Variants in CRACR2A observed in about 807,000 individuals in gnomAD.
The protein encoded by CRACR2A is EF-hand calcium-binding domain-containing protein 4B.
Under a neutral mutation model 90.5 loss-of-function variants are expected in CRACR2A, and 79 were observed. The ratio of observed to expected loss-of-function variants is 0.87; its 90% CI spans 0.73 to 1.05. The LOEUF is 1.05. Ranked by LOEUF, CRACR2A falls within the 50% of genes least tolerant of loss-of-function variation. CRACR2A has a pLI of 0.00. For missense variants in CRACR2A, 823 were observed against 897.2 expected (o/e 0.92, Z 1.06); for synonymous variants, 338 against 356.7 (o/e 0.95, Z 0.59).
chr12:3,725,224 A>G (rs1946242334), intron 2 of CRACR2A, among the ~76,000 whole-genome samples: 1 of 152,234 alleles, frequency 6.6e-6, no homozygotes, highest in Non-Finnish European at 1.5e-5. Flanking sequence ...CCAATGAATT[A>G]TCAAAAACCA....
In CRACR2A at chr12:3,720,416, GAAGAAAGAAAGAAAGA is replaced by G. The variant is rs554793478; in HGVS notation, c.-117-7115_-117-7100del. On this transcript the variant is annotated intron_variant, in intron 2 of 19. Transcript: ENST00000440314. The stretch of plus-strand genomic sequence containing the variant: ...GGGGGAGGGACGGAGTGAGAGAGAG[GAAGAAAGAAAGAAAGA>G]AAGAAAGAAAGAAAGAAAGAAAGAA... Among the ~76,000 whole-genome samples the G allele has an allele frequency of 1.5e-3, 160 of 106,708 alleles. 3 individuals carry two copies. The highest frequency in any genetic ancestry group is 5.1e-3 in the South Asian group (15 of 2,940). 70.0% of individuals were successfully genotyped at this position (106,708 alleles called of 152,430 possible).
Position 3,690,786 on chromosome 12 carries a change from G to A in CRACR2A, c.228+5986C>T, listed in dbSNP as rs377551496. The stretch of plus-strand genomic sequence containing the variant: ...TTGAAGTCTTCCACTATTATAGTGT[G>A]GGAGTCTAAGTCTCTTTGAAGGTCT... On this transcript the variant is annotated intron_variant, in intron 4 of 19. Coordinates refer to ENST00000440314, the MANE Select transcript of CRACR2A (RefSeq NM_001144958.2). Among the ~76,000 whole-genome samples, 10 of 152,268 alleles carry A rather than the reference G, an allele frequency of 6.6e-5. No homozygotes were observed. In the East Asian group the frequency reaches 1.9e-3, roughly 29 times the overall value.
At chr12:3,687,382 C>T (rs886110763) in intron 4 of CRACR2A, among the ~76,000 whole-genome samples, 1 of 152,010 alleles carries the variant, frequency 6.6e-6, no homozygotes, top group Non-Finnish European at 1.5e-5. Flanking sequence ...TGTGTGTTGT[C>T]CCCCTCCACC....
intron 4 of CRACR2A, among the ~76,000 whole-genome samples, chr12:3,693,628 T>C (rs1302121684): frequency 6.6e-6 from 1 of 152,216 alleles, no homozygotes. Context: ...GTATGTTGAA[T>C]ATTGGCCCCC....
chr12:3,744,190 C>T lies in CRACR2A; in HGVS notation c.-387+8825G>A, dbSNP rs534779474. Among the ~76,000 whole-genome samples, 6 of 152,330 alleles carry T rather than the reference C, an allele frequency of 3.9e-5. No homozygotes were observed. The East Asian group carries it at 1.2e-3, about 29-fold the overall frequency. ...ATCCACGGTCAAAGCTAAACTCACA[C>T]TTTCATAGTATGTGTGTAATTAGTT... On this transcript the variant is annotated intron_variant, in intron 1 of 19. Coordinates refer to ENST00000440314, the MANE Select transcript of CRACR2A (RefSeq NM_001144958.2).
At chr12:3,689,318 T>C (rs1945615248) in intron 4 of CRACR2A, among the ~76,000 whole-genome samples, 1 of 152,248 alleles carries the variant, frequency 6.6e-6, no homozygotes. Flanking sequence ...AGTATGATGT[T>C]GGCTGTTGGT....
chr12:3,702,604 C>T (rs887541002), intron 3 of CRACR2A, among the ~76,000 whole-genome samples: 1 of 152,096 alleles, frequency 6.6e-6, no homozygotes. Flanking sequence ...TACTTATACA[C>T]TGAAAGCTAT....
chr12:3,627,709 G>A lies in CRACR2A; in HGVS notation c.1736-3C>T, dbSNP rs1208026314. ...CGTCTTCACACGGTAATCAATGCCT[G>A]CAGGGTGAAATGGGCCTGTCAGGGC... On this transcript the variant is annotated splice_region_variant and splice_polypyrimidine_tract_variant and intron_variant, in intron 15 of 19. Transcript: ENST00000440314. The A allele has an allele frequency of 1.3e-6, 2 of 1,551,784 alleles. No individual in the cohort carries two copies. Among genetic ancestry groups the A allele is most frequent in the Admixed American group, 3.9e-5 (2 of 51,010 alleles).
chr12:3,684,533 T>C (rs1451245682), intron 4 of CRACR2A, among the ~76,000 whole-genome samples: 2 of 152,174 alleles, frequency 1.3e-5, no homozygotes, highest in Admixed American at 1.3e-4. Context: ...CCAGCAGCAC[T>C]TCCCTCACCA....
At chr12:3,625,170 G>C (rs10491969) in intron 17 of CRACR2A, among the ~76,000 whole-genome samples, 50,062 of 151,986 alleles carry the variant, frequency 0.33, 9,283 homozygotes, top group African/African-American at 0.49. Context: ...ACTATGTATA[G>C]ATTTGCCATC....
chr12:3,619,020 G>T (rs1036060583), intron 18 of CRACR2A, among the ~76,000 whole-genome samples: 8 of 152,188 alleles, frequency 5.3e-5, no homozygotes, highest in Non-Finnish European at 1.0e-4. Context: ...TTACAAGGAA[G>T]GGACTTTAGG....
chr12:3,704,366 A>G (rs1425447621), intron 3 of CRACR2A, among the ~76,000 whole-genome samples: 2 of 152,212 alleles, frequency 1.3e-5, no homozygotes, highest in African/African-American at 4.8e-5. Context: ...AAGTGACAGT[A>G]GGCAGGAGTG....
At chr12:3,701,587 G>A (rs2137725603) in intron 3 of CRACR2A, among the ~76,000 whole-genome samples, 1 of 152,118 alleles carries the variant, frequency 6.6e-6, no homozygotes, top group African/African-American at 2.4e-5. Context: ...CTGATTCCTT[G>A]AAAAACACTA....
At position 3,654,205 on chromosome 12, in the gene CRACR2A, G is replaced by A. The variant is rs778716489; in HGVS notation, c.1046+7C>T. On this transcript the variant is annotated splice_region_variant and intron_variant, in intron 10 of 19. Coordinates refer to ENST00000440314, the MANE Select transcript of CRACR2A (RefSeq NM_001144958.2). ...ACAGCAGAGGAGTGGACAAAGGCTG[G>A]ACTCACATCTCCTTCTCTTGGTGGA... The A allele has an allele frequency of 1.2e-6, 2 of 1,610,196 alleles. No homozygotes were observed. The highest frequency in any genetic ancestry group is 1.7e-5 in the Admixed American group (1 of 59,064).
chr12:3,616,776 G>A (rs1299155486), intron 19 of CRACR2A, among the ~76,000 whole-genome samples, 178 bp downstream of exon 19: 12 of 152,228 alleles, frequency 7.9e-5, no homozygotes, highest in Admixed American at 7.8e-4. Context: ...AGCTGCTCCT[G>A]ATGTTGCAAT....
intron 1 of CRACR2A, among the ~76,000 whole-genome samples, chr12:3,742,080 G>A (rs74058331): frequency 0.16 from 23,891 of 152,196 alleles, 2,074 homozygotes; most frequent in African/African-American, 0.2. Context: ...GGTTAGGACA[G>A]GGAGGGCTGG....
Position 3,732,953 on chromosome 12 carries a change from C to T in CRACR2A, c.-129G>A, listed in dbSNP as rs1446676634. The T allele has an allele frequency of 6.6e-6, 1 of 152,304 alleles. No homozygotes were observed. The highest frequency in any genetic ancestry group is 1.5e-5 in the Non-Finnish European group (1 of 68,094). The allele number at this position is 152,304 out of a possible 1,614,324, so 9.4% of individuals were successfully genotyped here. A position where few individuals can be genotyped will look rare whatever the true frequency, so the allele number is the denominator to read the frequency against. On this transcript the variant is annotated 5_prime_UTR_variant, in exon 2 of 20. Transcript: ENST00000440314. ...ACTCCGATTCTTACCATCAGCAAGA[C>T]TCCTGTGCAGCCACACACCTGGCAG...
chr12:3,741,148 G>A (rs1374844101), intron 1 of CRACR2A, among the ~76,000 whole-genome samples: 1 of 152,144 alleles, frequency 6.6e-6, no homozygotes, highest in Non-Finnish European at 1.5e-5. Context: ...TCCACTTTCT[G>A]TAGGCTTTAG....
intron 15 of CRACR2A, among the ~76,000 whole-genome samples, chr12:3,631,031 C>G (rs887898258): frequency 6.6e-6 from 1 of 152,180 alleles, no homozygotes; most frequent in Non-Finnish European, 1.5e-5. Context: ...AGCTTTGGCC[C>G]GAGAGGCTGT....
Sources: gnomAD v4.1 joint callset for allele counts (sites outside exome capture counted in the v4.1 genomes callset) on GRCh38, gnomAD v4.1.1 for gene constraint, MANE v1.5 for transcripts, NCBI Gene and HGNC (gene_info 2026-07-23, HGNC 2026-07-21) for gene names.